MEGF11: variants seen among roughly 807,000 people sequenced by gnomAD.
The protein encoded by MEGF11 is multiple EGF like domains 11.
Under a neutral mutation model 146.6 loss-of-function variants are expected in MEGF11, and 126 were observed. The observed-to-expected ratio is 0.86, with a 90% CI of 0.74 to 1.00. The LOEUF is 1.00. MEGF11 is among the 50% of genes least tolerant of loss of function. MEGF11 has a pLI of 0.00. For synonymous variants in MEGF11, 532 were observed against 583.4 expected (o/e 0.91, Z 1.27); for missense variants, 1,509 against 1,521.2 (o/e 0.99, Z 0.13).
At chr15:65,998,474 C>A (rs776434200) in intron 5 of MEGF11, among the ~76,000 whole-genome samples, 15 of 152,254 alleles carry the variant, frequency 9.9e-5, no homozygotes, top group Non-Finnish European at 1.8e-4. Flanking sequence ...GTACACAAAC[C>A]GAGACTTCTT....
intron 5 of MEGF11, among the ~76,000 whole-genome samples, chr15:66,077,228 A>G (rs2085630004): frequency 6.6e-6 from 1 of 152,186 alleles, no homozygotes; most frequent in Non-Finnish European, 1.5e-5. Flanking sequence ...CACCTTTGCT[A>G]TGTGGGTGGG....
At chr15:66,089,159 C>T (rs573844199) in intron 5 of MEGF11, among the ~76,000 whole-genome samples, 10 of 152,148 alleles carry the variant, frequency 6.6e-5, no homozygotes, top group Non-Finnish European at 1.3e-4. Context: ...GCCAAGTCGG[C>T]CTGGGGTCCC....
At chr15:66,009,830 G>A (rs371437241) in intron 5 of MEGF11, among the ~76,000 whole-genome samples, 2 of 151,980 alleles carry the variant, frequency 1.3e-5, no homozygotes, top group African/African-American at 4.8e-5. Context: ...TCCTCACTTC[G>A]TGATCCACCC....
chr15:66,144,867 T>A (rs748265766), intron 1 of MEGF11, among the ~76,000 whole-genome samples: 6 of 152,266 alleles, frequency 3.9e-5, no homozygotes, highest in Admixed American at 6.5e-5. Context: ...TCAGCCATTA[T>A]GTACTGAGTG....
chr15:65,920,108 C>T (rs2079128868), intron 15 of MEGF11, among the ~76,000 whole-genome samples: 1 of 152,192 alleles, frequency 6.6e-6, no homozygotes, highest in Admixed American at 6.5e-5. Flanking sequence ...CCCAAGGTCA[C>T]ACAACTAGGA....
At chr15:65,953,954 C>A (rs2080489577) in intron 10 of MEGF11, among the ~76,000 whole-genome samples, 2 of 152,122 alleles carry the variant, frequency 1.3e-5, no homozygotes, top group South Asian at 4.1e-4. Flanking sequence ...GTCCCAATAT[C>A]CTCCCTAAAG....
intron 21 of MEGF11, 69 bp from the exon 22 acceptor site, chr15:65,909,875 C>T (rs767191201): frequency 2.3e-5 from 32 of 1,363,092 alleles, no homozygotes; most frequent in Middle Eastern, 3.5e-4. Flanking sequence ...CTTCACTTTG[C>T]GTAGCTTCAG....
chr15:65,956,033 C>G (rs1243379964), intron 10 of MEGF11, among the ~76,000 whole-genome samples: 1 of 151,910 alleles, frequency 6.6e-6, no homozygotes, highest in Non-Finnish European at 1.5e-5. Context: ...CAAGCAAACC[C>G]TCGCTTGATC....
intron 5 of MEGF11, among the ~76,000 whole-genome samples, chr15:66,044,875 A>AAG (rs1567215926): frequency 7.4e-6 from 1 of 134,586 alleles, no homozygotes; most frequent in Non-Finnish European, 1.6e-5. Flanking sequence ...AAAAAAAAAA[A>AAG]AAAAAGAAAT....
chr15:66,186,919 T>G lies in MEGF11; in HGVS notation c.-8-58508A>C, dbSNP rs894449609. 2.0e-5 allele frequency among the ~76,000 whole-genome samples: 3 copies of G among 152,168 alleles called. 1 individual carries two copies. Among genetic ancestry groups the G allele is most frequent in the Admixed American group, 2.0e-4 (3 of 15,284 alleles). On this transcript the variant is annotated intron_variant, in intron 1 of 25. Transcript: ENST00000395614. ...CCTTAAACTAGAGGCAGCACTGGCT[T>G]TGAAGTGAATCCTATCTACAATTTT...
intron 5 of MEGF11, among the ~76,000 whole-genome samples, chr15:66,001,576 T>G (rs2082368242): frequency 6.6e-6 from 1 of 152,040 alleles, no homozygotes; most frequent in Non-Finnish European, 1.5e-5. Context: ...CCTCTCTCTC[T>G]GTCTCTATTT....
chr15:65,948,442 C>T (rs993712678), intron 10 of MEGF11, among the ~76,000 whole-genome samples: 1 of 152,144 alleles, frequency 6.6e-6, no homozygotes, highest in African/African-American at 2.4e-5. Flanking sequence ...CGCATACCGA[C>T]CCCGAAGGGC....
chr15:66,066,602 G>C (rs997126354), intron 5 of MEGF11, among the ~76,000 whole-genome samples: 1 of 152,208 alleles, frequency 6.6e-6, no homozygotes, highest in African/African-American at 2.4e-5. Context: ...CTACAGGTCT[G>C]TCTGAAATGC....
At chr15:66,048,095 A>G (rs944289183) in intron 5 of MEGF11, among the ~76,000 whole-genome samples, 2 of 152,056 alleles carry the variant, frequency 1.3e-5, no homozygotes, top group African/African-American at 2.4e-5. Context: ...ACAGGCATGT[A>G]CCACCACGCC....
chr15:66,036,385 T>C (rs1306626312), intron 5 of MEGF11, among the ~76,000 whole-genome samples: 1 of 152,272 alleles, frequency 6.6e-6, no homozygotes, highest in Non-Finnish European at 1.5e-5. Context: ...TTTTGCTCTC[T>C]GCATTGCTTT....
chr15:65,934,918 T>C (rs989483033), intron 10 of MEGF11, among the ~76,000 whole-genome samples: 1 of 152,170 alleles, frequency 6.6e-6, no homozygotes, highest in Non-Finnish European at 1.5e-5. Context: ...TAATATCCTT[T>C]ATAATAAACT....
chr15:65,985,126 T>C (rs1466773001), intron 5 of MEGF11, among the ~76,000 whole-genome samples: 1 of 152,192 alleles, frequency 6.6e-6, no homozygotes, highest in Non-Finnish European at 1.5e-5. Flanking sequence ...AAGTGCTACA[T>C]ACATGACTAA....
intron 1 of MEGF11, among the ~76,000 whole-genome samples, chr15:66,233,597 A>C (rs970675889): frequency 3.3e-5 from 5 of 152,160 alleles, no homozygotes; most frequent in African/African-American, 1.2e-4. Flanking sequence ...TAGCAAGCTA[A>C]AACAAACTAC....
At chr15:66,241,480 C>T (rs1035240576) in intron 1 of MEGF11, among the ~76,000 whole-genome samples, 7 of 152,224 alleles carry the variant, frequency 4.6e-5, no homozygotes, top group South Asian at 4.1e-4. Context: ...TATGCAAACA[C>T]GAATGCAAAT....
Sources: gnomAD v4.1 joint callset for allele counts (sites outside exome capture counted in the v4.1 genomes callset) on GRCh38, gnomAD v4.1.1 for gene constraint, MANE v1.5 for transcripts, NCBI Gene and HGNC (gene_info 2026-07-23, HGNC 2026-07-21) for gene names.